Variants in ZBTB44 observed in about 807,000 individuals in gnomAD.
ZBTB44 encodes zinc finger and BTB domain-containing protein 44.
Under a neutral mutation model 54.0 loss-of-function variants are expected in ZBTB44, and 15 were observed. The ratio of observed to expected loss-of-function variants is 0.28; its 90% CI spans 0.19 to 0.43. The LOEUF (loss-of-function observed/expected upper bound fraction) is 0.43, where lower values mean the gene tolerates loss of function less well. Ranked by LOEUF, ZBTB44 falls within the 20% of genes least tolerant of loss-of-function variation. The probability of loss-of-function intolerance (pLI) is 1.00; values close to 1 mark genes in which losing one functional copy is unlikely to be tolerated. For synonymous variants in ZBTB44, 230 were observed against 250.1 expected (o/e 0.92, Z 0.76); for missense variants, 487 against 707.1 (o/e 0.69, Z 3.53).
chr11:130,260,073 G>A (rs919479007), intron 2 of ZBTB44, among the ~76,000 whole-genome samples: 9 of 152,160 alleles, frequency 5.9e-5, no homozygotes, highest in Non-Finnish European at 8.8e-5. Context: ...AGTTACTGCA[G>A]AAGGGATTCC....
At chr11:130,262,685 G>A (rs1938958429) in intron 1 of ZBTB44, among the ~76,000 whole-genome samples, 1 of 151,684 alleles carries the variant, frequency 6.6e-6, no homozygotes, top group African/African-American at 2.4e-5. Flanking sequence ...GTTTTATGCA[G>A]GTAAATGTAT....
In ZBTB44 at chr11:130,233,189, G is replaced by T. The variant is rs1405684402; in HGVS notation, c.*48+119C>A. ...GCAAGAGAACATATTGATGGGGCAG[G>T]GGGAAAACTGATCCGGGCAATGACA... On this transcript the variant is annotated intron_variant, in intron 7 of 7. Transcript: ENST00000357899. 11 of 1,373,788 alleles carry T rather than the reference G, an allele frequency of 8.0e-6. No individual in the cohort carries two copies. The African/African-American group carries it at 1.2e-4, about 14-fold the overall frequency. 85.1% of individuals were successfully genotyped at this position (1,373,788 alleles called of 1,614,324 possible).
At chr11:130,237,643 G>A (rs111794397) in intron 4 of ZBTB44, among the ~76,000 whole-genome samples, 6,116 of 152,288 alleles carry the variant, frequency 0.04, 304 homozygotes, top group African/African-American at 0.11. Context: ...GAGTTATAAA[G>A]TGTATTAATA....
At chr11:130,234,396 G>T in intron 5 of ZBTB44, 123 bp from the exon 6 acceptor site, 1 of 1,109,650 alleles carries the variant, frequency 9.0e-7, no homozygotes, top group South Asian at 2.1e-5. Flanking sequence ...ATTGTTCAGT[G>T]AAGATTAAAA....
chr11:130,251,994 A>G (rs1172939002), intron 2 of ZBTB44, among the ~76,000 whole-genome samples: 1 of 152,256 alleles, frequency 6.6e-6, no homozygotes, highest in East Asian at 1.9e-4. Context: ...TAAAGAGTTG[A>G]GACCCATTGG....
At chr11:130,265,702 G>A (rs1468685948) in intron 1 of ZBTB44, among the ~76,000 whole-genome samples, 1 of 152,154 alleles carries the variant, frequency 6.6e-6, no homozygotes, top group Admixed American at 6.5e-5. Flanking sequence ...AGTTTGCCTG[G>A]TGTGCACAGA....
rs778975094 is a variant in ZBTB44 at position 130,231,125 on chromosome 11, C to T, written c.*639G>A. 4.6e-5 allele frequency: 7 copies of T among 152,020 alleles called. No individual in the cohort carries two copies. Among genetic ancestry groups the T allele is most frequent in the Admixed American group, 2.0e-4 (3 of 15,260 alleles). 9.4% of individuals were successfully genotyped at this position (152,020 alleles called of 1,614,324 possible). ...GATAATATAACTGGCTATCTCTTTG[C>T]AATATTTTCAATATGTCCTGGTAAA... is the stretch of plus-strand genomic sequence containing the variant. On this transcript the variant is annotated 3_prime_UTR_variant, in exon 8 of 8. Transcript: ENST00000357899.
At chr11:130,235,568 G>C (rs1035670008) in intron 5 of ZBTB44, among the ~76,000 whole-genome samples, 1 of 152,038 alleles carries the variant, frequency 6.6e-6, no homozygotes, top group African/African-American at 2.4e-5. Context: ...AGAACTGCTT[G>C]ACCTCAGGAG....
intron 1 of ZBTB44, among the ~76,000 whole-genome samples, chr11:130,301,324 A>T (rs1025272245): frequency 6.6e-6 from 1 of 152,148 alleles, no homozygotes; most frequent in African/African-American, 2.4e-5. Flanking sequence ...AGAAAAGATG[A>T]TGAAGTAGAA....
chr11:130,287,036 G>A (rs1056862614), intron 1 of ZBTB44, among the ~76,000 whole-genome samples: 21 of 152,210 alleles, frequency 1.4e-4, no homozygotes, highest in Admixed American at 1.3e-3. Flanking sequence ...TAGAGTGCTA[G>A]ACAATTCCAT....
chr11:130,234,559 T>C (rs934073573), intron 5 of ZBTB44, among the ~76,000 whole-genome samples: 14 of 152,228 alleles, frequency 9.2e-5, no homozygotes, highest in African/African-American at 4.8e-5. Flanking sequence ...TTGTTCTATG[T>C]AGAGGAGTTT....
intron 2 of ZBTB44, among the ~76,000 whole-genome samples, chr11:130,246,280 CACACACACATATATATAT>C (rs1329268664): frequency 1.3e-5 from 2 of 151,184 alleles, no homozygotes; most frequent in African/African-American, 2.4e-5. Context: ...CATATATATA[CACACACACATATATATAT>C]ACACACACAT....
At chr11:130,240,755 G>A (rs1417219578) in intron 2 of ZBTB44, among the ~76,000 whole-genome samples, 1 of 152,118 alleles carries the variant, frequency 6.6e-6, no homozygotes, top group Non-Finnish European at 1.5e-5. Flanking sequence ...ACTTTTAAAA[G>A]TAATTTTATC....
At chr11:130,307,449 T>TTA (rs1942339286) in intron 1 of ZBTB44, among the ~76,000 whole-genome samples, 2 of 151,948 alleles carry the variant, frequency 1.3e-5, no homozygotes, top group Admixed American at 6.6e-5. Context: ...AAGTCTACTG[T>TTA]TATTGTTTTA....
intron 1 of ZBTB44, among the ~76,000 whole-genome samples, chr11:130,277,926 T>A (rs1299511435): frequency 6.6e-6 from 1 of 152,224 alleles, no homozygotes; most frequent in Non-Finnish European, 1.5e-5. Context: ...ACATTTTGAA[T>A]ATGTTCTCCC....
At chr11:130,277,027 T>C (rs966064940) in intron 1 of ZBTB44, among the ~76,000 whole-genome samples, 1 of 152,214 alleles carries the variant, frequency 6.6e-6, no homozygotes, top group African/African-American at 2.4e-5. Context: ...CTATTTTTCT[T>C]TGAATGACAA....
chr11:130,296,787 G>A (rs541167277), intron 1 of ZBTB44: 1 of 768,412 alleles, frequency 1.3e-6, no homozygotes, highest in Non-Finnish European at 2.4e-6. Context: ...AGCCCAGGAA[G>A]CATATAAGTC....
chr11:130,305,912 A>C (rs923469119), intron 1 of ZBTB44, among the ~76,000 whole-genome samples: 1 of 152,166 alleles, frequency 6.6e-6, no homozygotes, highest in African/African-American at 2.4e-5. Flanking sequence ...ACAAACGAAC[A>C]AACAAAAACC....
intron 1 of ZBTB44, among the ~76,000 whole-genome samples, chr11:130,298,870 T>C (rs1941832307): frequency 6.7e-6 from 1 of 149,164 alleles, no homozygotes; most frequent in African/African-American, 2.5e-5. Context: ...AAACCATCAG[T>C]AAAGATAAAA....
Sources: allele counts gnomAD v4.1 joint callset (sites outside exome capture counted in the v4.1 genomes callset), GRCh38; gene constraint gnomAD v4.1.1; transcripts MANE v1.5; gene names NCBI Gene and HGNC (gene_info 2026-07-23, HGNC 2026-07-21).